The following DLGAP2 variants were observed in gnomAD, a reference collection of about 807,000 sequenced individuals.
DLGAP2 encodes DLG associated protein 2.
In DLGAP2, 26 loss-of-function variants were observed where a neutral mutation model predicts 100.3. The ratio of observed to expected loss-of-function variants is 0.26; its 90% CI spans 0.19 to 0.36. The LOEUF (loss-of-function observed/expected upper bound fraction) is 0.36, where lower values mean the gene tolerates loss of function less well. Ranked by LOEUF, DLGAP2 falls within the 10% of genes least tolerant of loss-of-function variation. DLGAP2 has a pLI of 1.00. For synonymous variants in DLGAP2, 886 were observed against 630.1 expected (o/e 1.41, Z -6.08); for missense variants, 1,858 against 1,453.2 (o/e 1.28, Z -4.53).
intron 1 of DLGAP2, among the ~76,000 whole-genome samples, chr8:782,410 C>G (rs1411241054): frequency 6.6e-6 from 1 of 152,076 alleles, no homozygotes; most frequent in African/African-American, 2.4e-5. Context: ...TACTCTCTCA[C>G]TAGGCCATCA....
At chr8:1,644,552 C>T (rs927529447) in intron 8 of DLGAP2, among the ~76,000 whole-genome samples, 17 of 152,242 alleles carry the variant, frequency 1.1e-4, no homozygotes, top group Non-Finnish European at 8.8e-5. Flanking sequence ...GGCAGAGACG[C>T]GCTCCTGATC....
intron 2 of DLGAP2, among the ~76,000 whole-genome samples, chr8:1,257,706 G>A (rs1358670748): frequency 5.3e-5 from 8 of 151,570 alleles, no homozygotes; most frequent in Non-Finnish European, 1.2e-4. Flanking sequence ...TGGCGTGGAA[G>A]AGCCGGTGTC....
intron 3 of DLGAP2, among the ~76,000 whole-genome samples, chr8:1,293,164 T>A (rs1015750155): frequency 2.6e-5 from 4 of 152,198 alleles, no homozygotes; most frequent in Admixed American, 2.6e-4. Flanking sequence ...CCCCTCTCTC[T>A]CTGTCTCTGT....
At chr8:965,153 GCTC>G (rs1799820604) in intron 2 of DLGAP2, among the ~76,000 whole-genome samples, 1 of 148,288 alleles carries the variant, frequency 6.7e-6, no homozygotes, top group Non-Finnish European at 1.5e-5. Flanking sequence ...ACCTCACAGG[GCTC>G]CTGAGTCTGA....
chr8:1,336,527 G>A (rs1459417902), intron 3 of DLGAP2, among the ~76,000 whole-genome samples: 1 of 152,216 alleles, frequency 6.6e-6, no homozygotes, highest in Non-Finnish European at 1.5e-5. Flanking sequence ...TGTGCCGGAA[G>A]CCTTTCCCAG....
intron 1 of DLGAP2, among the ~76,000 whole-genome samples, chr8:760,954 T>C (rs1253254838): frequency 6.6e-6 from 1 of 152,082 alleles, no homozygotes; most frequent in East Asian, 1.9e-4. Context: ...ATATTCCAAT[T>C]TTGCGAGTGG....
chr8:1,645,093 T>TAATGAATGAATCA (rs1353515989), intron 8 of DLGAP2, among the ~76,000 whole-genome samples: 1 of 152,216 alleles, frequency 6.6e-6, no homozygotes, highest in East Asian at 1.9e-4. Context: ...ACCATGTCTC[T>TAATGAATGAATCA]AATGAATGAA....
At chr8:987,457 G>T (rs563330343) in intron 2 of DLGAP2, among the ~76,000 whole-genome samples, 2 of 152,180 alleles carry the variant, frequency 1.3e-5, no homozygotes, top group Admixed American at 6.5e-5. Context: ...CAGGTCTCCA[G>T]AGACCACAGG....
At chr8:1,367,605 C>T (rs1802137029) in intron 3 of DLGAP2, among the ~76,000 whole-genome samples, 1 of 152,208 alleles carries the variant, frequency 6.6e-6, no homozygotes. Context: ...TCAGGAAAGG[C>T]ATAGCTCACA....
chr8:862,572 G>A (rs1008224265), intron 1 of DLGAP2, among the ~76,000 whole-genome samples: 3 of 152,080 alleles, frequency 2.0e-5, no homozygotes, highest in Non-Finnish European at 2.9e-5. Context: ...GGATTATAGG[G>A]GTGAGCTGCC....
chr8:1,352,545 T>C (rs975374632), intron 3 of DLGAP2, among the ~76,000 whole-genome samples: 3 of 152,230 alleles, frequency 2.0e-5, no homozygotes, highest in African/African-American at 7.2e-5. Flanking sequence ...CTTAGAGTGT[T>C]TATTATAATA....
At chr8:1,597,743 G>C (rs1317128628) in intron 6 of DLGAP2, among the ~76,000 whole-genome samples, 1 of 152,188 alleles carries the variant, frequency 6.6e-6, no homozygotes, top group African/African-American at 2.4e-5. Flanking sequence ...TGCTAAAGTT[G>C]CTTATCGGCT....
intron 3 of DLGAP2, among the ~76,000 whole-genome samples, chr8:1,465,079 C>T (rs10095740): frequency 0.17 from 25,422 of 152,126 alleles, 2,559 homozygotes; most frequent in Middle Eastern, 0.25. Context: ...CCAGGGATCC[C>T]CTAATTCAGC....
chr8:1,022,189 C>G (rs896332731), intron 2 of DLGAP2, among the ~76,000 whole-genome samples: 4 of 152,192 alleles, frequency 2.6e-5, no homozygotes, highest in Admixed American at 1.3e-4. Context: ...GGTAGACACT[C>G]CAAACACCAC....
intron 1 of DLGAP2, among the ~76,000 whole-genome samples, chr8:905,940 G>C (rs958767945): frequency 6.6e-6 from 1 of 152,224 alleles, no homozygotes. Context: ...TGGTGATAGA[G>C]TCCCATGCTC....
chr8:860,746 A>G (rs1219973006), intron 1 of DLGAP2, among the ~76,000 whole-genome samples: 3 of 152,156 alleles, frequency 2.0e-5, no homozygotes, highest in Non-Finnish European at 4.4e-5. Flanking sequence ...TGTGGCAGGC[A>G]TGCTTCTTGG....
At chr8:1,676,479 C>A in intron 10 of DLGAP2, 54 bp from the exon 11 acceptor site, 1 of 1,552,616 alleles carries the variant, frequency 6.4e-7, no homozygotes, top group African/African-American at 1.4e-5. Context: ...AAAATAGTCC[C>A]TTGCCCAGGC....
intron 3 of DLGAP2, among the ~76,000 whole-genome samples, chr8:1,381,784 TGTGTG>T (rs1199390390): frequency 1.7e-5 from 1 of 59,504 alleles, no homozygotes; most frequent in Non-Finnish European, 3.5e-5. Flanking sequence ...GTTATTCTAG[TGTGTG>T]TGTGTGTGTG....
rs551214976 is a variant in DLGAP2, at chr8:1,187,907, G to A, written c.74-70944G>A. On this transcript the variant is annotated intron_variant, in intron 2 of 14. Coordinates refer to ENST00000637795, the MANE Select transcript of DLGAP2 (RefSeq NM_001346810.2). ...GGAATCTCACACGCCCGGGACCTCC[G>A]TGACATTTGCCTCACGGAATCTTGC... Among the ~76,000 whole-genome samples the A allele has an allele frequency of 2.1e-4, 26 of 126,340 alleles. 2 individuals carry two copies. In the South Asian group the frequency reaches 2.5e-3, roughly 12 times the overall value. The allele number at this position is 126,340 out of a possible 152,430, so 82.9% of individuals were successfully genotyped here. A position where few individuals can be genotyped will look rare whatever the true frequency, so the allele number is the denominator to read the frequency against.
Sources: gnomAD v4.1 joint callset for allele counts (sites outside exome capture counted in the v4.1 genomes callset) on GRCh38, gnomAD v4.1.1 for gene constraint, MANE v1.5 for transcripts, NCBI Gene and HGNC (gene_info 2026-07-23, HGNC 2026-07-21) for gene names.